The following PPIP5K2 variants were observed in gnomAD, a reference collection of about 807,000 sequenced individuals.
The protein encoded by PPIP5K2 is diphosphoinositol pentakisphosphate kinase 2.
Under a neutral mutation model 154.6 loss-of-function variants are expected in PPIP5K2, and 105 were observed. That is an observed-to-expected ratio of 0.68 (90% CI 0.58 to 0.80). The LOEUF is 0.80. Among genes scored for constraint, PPIP5K2 ranks in the 30% least tolerant of loss-of-function variants. The pLI, the probability that PPIP5K2 is intolerant of heterozygous loss-of-function variation, is 0.00. For synonymous variants in PPIP5K2, 480 were observed against 490.3 expected (o/e 0.98, Z 0.28); for missense variants, 992 against 1,504.6 (o/e 0.66, Z 5.64).
chr5:103,167,728 T>C (rs1471066582), intron 18 of PPIP5K2, among the ~76,000 whole-genome samples: 1 of 151,930 alleles, frequency 6.6e-6, no homozygotes, highest in Non-Finnish European at 1.5e-5. Flanking sequence ...ATGTCTAATG[T>C]TCCTCTGCTA....
chr5:103,141,671 G>C (rs1792692584), intron 5 of PPIP5K2, among the ~76,000 whole-genome samples: 1 of 152,120 alleles, frequency 6.6e-6, no homozygotes, highest in Non-Finnish European at 1.5e-5. Context: ...CCCCACCAGA[G>C]CAGCTAGATG....
At chr5:103,136,685 G>A in intron 3 of PPIP5K2, 47 bp from the exon 4 acceptor site, 2 of 1,442,540 alleles carry the variant, frequency 1.4e-6, no homozygotes, top group Middle Eastern at 3.5e-4. Context: ...AAGTATAGAT[G>A]CTTATCTTGA....
At chr5:103,173,620 C>T (rs1287705759) in intron 20 of PPIP5K2, among the ~76,000 whole-genome samples, 1 of 151,908 alleles carries the variant, frequency 6.6e-6, no homozygotes, top group Non-Finnish European at 1.5e-5. Context: ...TTACAGTGTA[C>T]TTGACTAATA....
In PPIP5K2 at chr5:103,177,989, G is replaced by A. The variant is rs1554221559; in HGVS notation, c.2754+9G>A. The A allele has an allele frequency of 2.0e-6, 3 of 1,530,566 alleles. No homozygotes were observed. The highest frequency in any genetic ancestry group is 2.7e-6 in the Non-Finnish European group (3 of 1,104,890). 94.8% of individuals were successfully genotyped at this position (1,530,566 alleles called of 1,614,324 possible). On this transcript the variant is annotated intron_variant, in intron 23 of 30. Coordinates refer to ENST00000358359, the MANE Select transcript of PPIP5K2 (RefSeq NM_001276277.3). ...GACCAGCTTCCAGAGAGGTAATGAA[G>A]GTGGAACTCTCAGTGCTTAGTTACT...
intron 26 of PPIP5K2, among the ~76,000 whole-genome samples, chr5:103,185,699 A>G (rs993865849): frequency 4.6e-5 from 7 of 152,086 alleles, no homozygotes; most frequent in Admixed American, 2.0e-4. Context: ...AATGTTTTTC[A>G]TTGGGAGTCT....
intron 5 of PPIP5K2, among the ~76,000 whole-genome samples, chr5:103,140,252 A>C (rs1792330145): frequency 6.6e-6 from 1 of 152,200 alleles, no homozygotes; most frequent in South Asian, 2.1e-4. Context: ...TATTGAAATA[A>C]GCAATAACAG....
chr5:103,147,988 T>C lies in PPIP5K2; in HGVS notation c.700T>C (p.Tyr234His), dbSNP rs1554209798. The C allele has an allele frequency of 6.2e-7, 1 of 1,603,136 alleles. No individual in the cohort carries two copies. The highest frequency in any genetic ancestry group is 2.2e-5 in the East Asian group (1 of 44,572). ...AAGCAATGTACGAAAAACAGGCTCA[T>C]ATATATATGAAGAGTTTATGCCCAC... ...PESNVRKTGSYIYEEFMPTDG... is the reference protein window; with the variant it reads ...PESNVRKTGSHIYEEFMPTDG... Residue 234 changes from tyrosine (Y) to histidine (H), a missense_variant, in exon 7 of 31, where the codon TAT becomes CAT. Around this residue, in one of 9 missense-constraint regions of PPIP5K2, gnomAD observed 51 missense variants for 152.2 expected, o/e 0.33. Transcript: ENST00000358359.
chr5:103,189,550 A>G (rs1554226230), intron 28 of PPIP5K2, among the ~76,000 whole-genome samples: 1 of 152,076 alleles, frequency 6.6e-6, no homozygotes, highest in East Asian at 1.9e-4. Context: ...TGCAAGCCTA[A>G]TTTCTTTAGT....
At chr5:103,196,992 A>G (rs781969863) in intron 30 of PPIP5K2, among the ~76,000 whole-genome samples, 3 of 152,156 alleles carry the variant, frequency 2.0e-5, no homozygotes, top group Non-Finnish European at 4.4e-5. Flanking sequence ...TCAGGGTAAG[A>G]GAGCATTTCA....
At chr5:103,165,542 T>C (rs1554217584) in intron 17 of PPIP5K2, among the ~76,000 whole-genome samples, 2 of 152,012 alleles carry the variant, frequency 1.3e-5, no homozygotes, top group Admixed American at 1.3e-4. Context: ...AAGACATCAG[T>C]TTGAAGAGAG....
At chr5:103,199,968 T>G (rs1802720643) in intron 30 of PPIP5K2, among the ~76,000 whole-genome samples, 1 of 152,192 alleles carries the variant, frequency 6.6e-6, no homozygotes, top group Non-Finnish European at 1.5e-5. Flanking sequence ...GGAAAGATGT[T>G]TTTCTGTTTC....
chr5:103,175,478 C>T (rs1165797856), intron 21 of PPIP5K2, among the ~76,000 whole-genome samples: 2 of 152,074 alleles, frequency 1.3e-5, no homozygotes, highest in East Asian at 1.9e-4. Context: ...CGATACATCT[C>T]TTACATGGTC....
chr5:103,205,756 A>G lies in PPIP5K2; in HGVS notation c.*4122A>G, dbSNP rs1241691010. On this transcript the variant is annotated 3_prime_UTR_variant, in exon 31 of 31. Coordinates refer to ENST00000358359, the MANE Select transcript of PPIP5K2 (RefSeq NM_001276277.3). Reference sequence around the variant, plus strand: ...ATAAATTCATGAATGCTAGATTTTCATTATAGGTTTTACCTTATCATTATT... The same window carrying G: ...ATAAATTCATGAATGCTAGATTTTCGTTATAGGTTTTACCTTATCATTATT... The G allele has an allele frequency of 1.3e-5, 2 of 152,124 alleles. No homozygotes were observed. Among genetic ancestry groups the G allele is most frequent in the South Asian group, 2.1e-4 (1 of 4,832 alleles). The allele number at this position is 152,124 out of a possible 1,614,324, so 9.4% of individuals were successfully genotyped here. A position where few individuals can be genotyped will look rare whatever the true frequency, so the allele number is the denominator to read the frequency against.
intron 17 of PPIP5K2, among the ~76,000 whole-genome samples, chr5:103,161,718 G>A (rs191742650): frequency 7.6e-4 from 115 of 152,104 alleles, no homozygotes; most frequent in African/African-American, 2.6e-3. Context: ...CAGTGATGAT[G>A]AGCCATGTGT....
At position 103,155,980 on chromosome 5, in the gene PPIP5K2, CT is replaced by C; in HGVS notation, c.1476del (p.Ser493ValfsTer17). ...CTCCCTCATGGTTGTCCTAAAACAT[CT>C]AGTGAAGAGGAGGGTATGTTATTCT... is the stretch of plus-strand genomic sequence containing the variant. ...TYLPHGCPKT[S>X]SEEEDSRREE... On this transcript the variant is annotated frameshift_variant, in exon 14 of 31. Transcript: ENST00000358359. LOFTEE classifies it high-confidence loss of function. The C allele has an allele frequency of 6.3e-7, 1 of 1,587,560 alleles. No individual in the cohort carries two copies.
At chr5:103,153,798 A>G in intron 10 of PPIP5K2, 50 bp from the exon 11 acceptor site, 2 of 1,319,658 alleles carry the variant, frequency 1.5e-6, no homozygotes, top group Non-Finnish European at 2.1e-6. Flanking sequence ...GAATTATACA[A>G]CACAAATCTT....
At chr5:103,161,677 T>G (rs528802882) in intron 17 of PPIP5K2, among the ~76,000 whole-genome samples, 1 of 152,236 alleles carries the variant, frequency 6.6e-6, no homozygotes, top group Admixed American at 6.5e-5. Flanking sequence ...TGGTATCTCA[T>G]TGTGGTTTTG....
At chr5:103,189,246 A>G (rs1554226133) in intron 28 of PPIP5K2, 32 of 1,494,962 alleles carry the variant, frequency 2.1e-5, no homozygotes, top group African/African-American at 2.8e-5. Flanking sequence ...TATAGCTTCT[A>G]AACATGTCAG....
intron 29 of PPIP5K2, among the ~76,000 whole-genome samples, chr5:103,194,171 GT>G (rs1315725277): frequency 2.0e-5 from 3 of 151,082 alleles, no homozygotes; most frequent in East Asian, 1.9e-4. Context: ...CTGTCTCTTT[GT>G]TTTTTTTCCC....
Sources: gnomAD v4.1 joint callset for allele counts (sites outside exome capture counted in the v4.1 genomes callset) on GRCh38, gnomAD v4.1.1 for gene constraint, gnomAD v4.1.1 regional missense constraint, MANE v1.5 for transcripts, NCBI Gene and HGNC (gene_info 2026-07-23, HGNC 2026-07-21) for gene names.